The following BRD8 variants were observed in gnomAD, a reference collection of about 807,000 sequenced individuals.
The protein encoded by BRD8 is bromodomain-containing protein 8.
BRD8 carries 67 observed loss-of-function variants against 143.1 expected under a neutral mutation model. That is an observed-to-expected ratio of 0.47 (90% CI 0.38 to 0.57). The LOEUF (loss-of-function observed/expected upper bound fraction) is 0.57. Among genes scored for constraint, BRD8 ranks in the 20% least tolerant of loss-of-function variants. The probability of loss-of-function intolerance (pLI) is 0.00; values close to 1 mark genes in which losing one functional copy is unlikely to be tolerated. For missense variants in BRD8, 1,103 were observed against 1,503.0 expected (o/e 0.73, Z 4.40); for synonymous variants, 505 against 517.1 (o/e 0.98, Z 0.32).
At chr5:138,165,370 C>T (rs879444003) in intron 11 of BRD8, among the ~76,000 whole-genome samples, 1 of 152,198 alleles carries the variant, frequency 6.6e-6, no homozygotes, top group African/African-American at 2.4e-5. Context: ...ATGTTAGCAC[C>T]AAAGGGCTAC....
intron 21 of BRD8, among the ~76,000 whole-genome samples, chr5:138,151,616 A>T (rs2151185833): frequency 6.6e-6 from 1 of 152,310 alleles, no homozygotes; most frequent in Admixed American, 6.5e-5. Flanking sequence ...CAGGCCCCTA[A>T]TGACTGAAGT....
At chr5:138,155,687 CA>C (rs1752560481) in intron 20 of BRD8, among the ~76,000 whole-genome samples, 1 of 151,270 alleles carries the variant, frequency 6.6e-6, no homozygotes, top group Admixed American at 6.6e-5. Flanking sequence ...CGTGCCACCA[CA>C]CCTGGCTAAT....
intron 26 of BRD8, 47 bp downstream of exon 26, chr5:138,140,658 G>A (rs763041819): frequency 7.0e-6 from 11 of 1,567,650 alleles, no homozygotes; most frequent in South Asian, 5.6e-5. Flanking sequence ...TCTCATAGGC[G>A]TTCTGAAATC....
intron 17 of BRD8, chr5:138,161,351 G>A (rs2151197986): frequency 3.3e-6 from 1 of 306,254 alleles, no homozygotes; most frequent in Non-Finnish European, 6.0e-6. Flanking sequence ...ATGGTTCACT[G>A]CAGCCTCGAA....
rs915984771 is a variant in BRD8 at position 138,149,500 on chromosome 5, A to G, written c.3278+140T>C. ...TAGACTTCTATTTATATGATGTTAA[A>G]ATTATACTTAATTAATTATATTTTT... is the stretch of plus-strand genomic sequence containing the variant. On this transcript the variant is annotated intron_variant, in intron 23 of 26. Transcript: ENST00000254900. The G allele has an allele frequency of 2.7e-5, 18 of 677,638 alleles. 1 individual carries two copies. Among genetic ancestry groups the G allele is most frequent in the Non-Finnish European group, 3.9e-5 (17 of 440,340 alleles). 42.0% of individuals were successfully genotyped at this position (677,638 alleles called of 1,614,324 possible).
chr5:138,159,534 T>C (rs1030981726), intron 20 of BRD8, 21 bp downstream of exon 20: 1 of 1,613,218 alleles, frequency 6.2e-7, no homozygotes, highest in Non-Finnish European at 8.5e-7. Context: ...ACACCACCCC[T>C]TGCAGCCATT....
At chr5:138,154,866 T>C (rs1164447065) in intron 20 of BRD8, among the ~76,000 whole-genome samples, 1 of 150,782 alleles carries the variant, frequency 6.6e-6, no homozygotes, top group Non-Finnish European at 1.5e-5. Flanking sequence ...AGTCTTGCTC[T>C]GTCGCCAGGT....
In BRD8 at chr5:138,166,098, G is replaced by A. The variant is rs547769319; in HGVS notation, c.1008C>T (p.Pro336=). ...CAGCCTCCATGGGAACACAGTTGTC[G>A]GGTTGACTCACTGAGTAACAGAAAG... ...TTESVAPVSQ[P]DNCVPMEAVG... Residue 336 remains proline (P), a synonymous_variant, in exon 11 of 27, where the codon CCC becomes CCT. Transcript: ENST00000254900. The A allele has an allele frequency of 1.1e-5, 18 of 1,611,622 alleles. No homozygotes were observed. Among genetic ancestry groups the A allele is most frequent in the South Asian group, 8.8e-5 (8 of 91,056 alleles).
intron 15 of BRD8, 72 bp from the exon 16 acceptor site, chr5:138,162,218 G>C (rs573833916): frequency 1.6e-6 from 2 of 1,236,546 alleles, no homozygotes; most frequent in African/African-American, 3.0e-5. Context: ...TTTTCTTTTT[G>C]AGACAGGGTC....
At position 138,144,582 on chromosome 5, in the gene BRD8, A is replaced by G. The variant is rs1434885127; in HGVS notation, c.3437+595T>C. ...TTTGCTCCAAAAGAATAGTGTCAAA[A>G]ACAACCAAAGGCTAATTTAAGATTA... On this transcript the variant is annotated intron_variant, in intron 25 of 26. Transcript: ENST00000254900. 3.3e-5 allele frequency among the ~76,000 whole-genome samples: 5 copies of G among 152,320 alleles called. No individual in the cohort carries two copies. The East Asian group carries it at 9.6e-4, about 29-fold the overall frequency.
rs372684516 is a variant in BRD8 at position 138,164,698 on chromosome 5, G to A, written c.1731+16C>T. On this transcript the variant is annotated intron_variant, in intron 12 of 26. Coordinates refer to ENST00000254900, the MANE Select transcript of BRD8 (RefSeq NM_139199.2). The stretch of plus-strand genomic sequence containing the variant: ...TATAAACCTCCATCTCCCCAGCCCC[G>A]ATCTTTCTTAAGTACCTCTGTCTTC... 1.2e-4 allele frequency: 199 copies of A among 1,612,720 alleles called. No homozygotes were observed. In the African/African-American group the frequency reaches 2.4e-3, roughly 19 times the overall value.
chr5:138,150,816 C>T lies in BRD8; in HGVS notation c.3049G>A (p.Gly1017Arg). 6.2e-7 allele frequency: 1 copy of T among 1,614,236 alleles called. No homozygotes were observed. Among genetic ancestry groups the T allele is most frequent in the Non-Finnish European group, 8.5e-7 (1 of 1,180,042 alleles). ...GGAGCTGAAGCCACCTCTGGCTTTC[C>T]ATTTTCTCCCAGTGGCTTTTCAGCT... ...LVAEKPLGEN[G>R]KPEVASAPSV... The change falls in exon 22 of 27, where the codon GGA becomes AGA. Residue 1017 changes from glycine (G) to arginine (R), a missense_variant. Physicochemically the swap from Gly to Arg is moderately radical, Grantham distance 125. Coordinates refer to ENST00000254900, the MANE Select transcript of BRD8 (RefSeq NM_139199.2).
intron 26 of BRD8, among the ~76,000 whole-genome samples, chr5:138,140,384 A>G (rs971184931): frequency 1.3e-5 from 2 of 152,186 alleles, no homozygotes; most frequent in African/African-American, 2.4e-5. Flanking sequence ...GAAGCAACCA[A>G]AAAATACACA....
chr5:138,169,113 G>T, intron 8 of BRD8, 109 bp downstream of exon 8: 2 of 1,204,544 alleles, frequency 1.7e-6, no homozygotes, highest in Non-Finnish European at 1.2e-6. Flanking sequence ...TTAGCATTCA[G>T]ATCAAGAGAG....
In BRD8 at chr5:138,169,212, A is replaced by T; in HGVS notation, c.642+10T>A. The T allele has an allele frequency of 6.2e-7, 1 of 1,612,836 alleles. No individual in the cohort carries two copies. The highest frequency in any genetic ancestry group is 8.5e-7 in the Non-Finnish European group (1 of 1,179,724). On this transcript the variant is annotated intron_variant, in intron 8 of 26. Coordinates refer to ENST00000254900, the MANE Select transcript of BRD8 (RefSeq NM_139199.2). The stretch of plus-strand genomic sequence containing the variant: ...CACTGATCAATTCCCACAGATGGAA[A>T]TATACTCACCCCAGAGGTAGCCTCT...
rs60648598 is a variant in BRD8 at position 138,146,017 on chromosome 5, G to A, written c.3279-139C>T. The A allele has an allele frequency of 2.2e-3, 1,318 of 594,326 alleles. 13 individuals carry two copies. The highest frequency in any genetic ancestry group is 0.019 in the African/African-American group (1,025 of 53,842). The allele number at this position is 594,326 out of a possible 1,614,324, so 36.8% of individuals were successfully genotyped here. A position where few individuals can be genotyped will look rare whatever the true frequency, so the allele number is the denominator to read the frequency against. Reference sequence around the variant, plus strand: ...TTTTTATCTCCCCTTATCTGGCCAAGCAGACTTAGTTATTAATATCTATTG... The same window carrying A: ...TTTTTATCTCCCCTTATCTGGCCAAACAGACTTAGTTATTAATATCTATTG... On this transcript the variant is annotated intron_variant, in intron 23 of 26. Transcript: ENST00000254900.
intron 22 of BRD8, among the ~76,000 whole-genome samples, chr5:138,150,119 A>ATTT (rs761793108): frequency 2.8e-5 from 4 of 141,404 alleles, no homozygotes; most frequent in African/African-American, 1.0e-4. Flanking sequence ...TGGCCAGATA[A>ATTT]TTTTTTTTTT....
intron 23 of BRD8, among the ~76,000 whole-genome samples, 161 bp downstream of exon 23, chr5:138,149,479 C>T (rs1752294315): frequency 6.6e-6 from 1 of 151,992 alleles, no homozygotes; most frequent in African/African-American, 2.4e-5. Context: ...AGCATATAGA[C>T]TTCTATTTAT....
intron 2 of BRD8, among the ~76,000 whole-genome samples, chr5:138,176,499 G>A (rs1754347119): frequency 6.6e-6 from 1 of 152,006 alleles, no homozygotes; most frequent in Non-Finnish European, 1.5e-5. Flanking sequence ...GCTTGAACCT[G>A]GGAGGCGGAG....
Sources: allele counts gnomAD v4.1 joint callset (sites outside exome capture counted in the v4.1 genomes callset), GRCh38; gene constraint gnomAD v4.1.1; transcripts MANE v1.5; gene names NCBI Gene and HGNC (gene_info 2026-07-23, HGNC 2026-07-21).